BTAF1: variants seen among roughly 807,000 people sequenced by gnomAD.
BTAF1 encodes the protein B-TFIID TATA-box binding protein associated factor 1.
A neutral mutation model predicts 227.1 loss-of-function variants in BTAF1; 38 were observed. That is an observed-to-expected ratio of 0.17 (90% CI 0.13 to 0.22). The LOEUF (loss-of-function observed/expected upper bound fraction) is 0.22, where lower values mean the gene tolerates loss of function less well. BTAF1 is among the 10% of genes least tolerant of loss of function. BTAF1 has a pLI of 1.00. For synonymous variants in BTAF1, 742 were observed against 751.9 expected, an observed-to-expected ratio of 0.99 and a Z score of 0.21; for missense variants, 1,598 against 2,204.0, an observed-to-expected ratio of 0.73 and a Z score of 5.51.
chr10:91,973,562 C>T (rs929821164), intron 14 of BTAF1, among the ~76,000 whole-genome samples: 2 of 152,158 alleles, frequency 1.3e-5, no homozygotes, highest in African/African-American at 4.8e-5. Context: ...CATGAGGTGG[C>T]TACTGCCATT....
At chr10:91,999,414 C>T (rs1236459457) in intron 25 of BTAF1, among the ~76,000 whole-genome samples, 6 of 151,364 alleles carry the variant, frequency 4.0e-5, no homozygotes, top group African/African-American at 1.2e-4. Context: ...TTTTTTGAGA[C>T]GGACTTTTGC....
At chr10:91,975,397 T>A (rs983629785) in intron 14 of BTAF1, among the ~76,000 whole-genome samples, 1 of 152,202 alleles carries the variant, frequency 6.6e-6, no homozygotes, top group African/African-American at 2.4e-5. Context: ...CATATTTGGG[T>A]ATTGCCAGAT....
chr10:91,929,240 A>G (rs11186754), intron 1 of BTAF1, among the ~76,000 whole-genome samples: 2,590 of 152,312 alleles, frequency 0.017, 69 homozygotes, highest in African/African-American at 0.057. Context: ...ATCATTGTAT[A>G]TTGGCTAGTT....
At chr10:91,956,798 G>A (rs781732365) in intron 7 of BTAF1, 141 bp downstream of exon 7, 55 of 840,368 alleles carry the variant, frequency 6.5e-5, no homozygotes, top group Middle Eastern at 3.8e-4. Context: ...AGACCAGCCT[G>A]GCCAACATGG....
intron 18 of BTAF1, 48 bp downstream of exon 18, chr10:91,982,809 T>A: frequency 6.6e-7 from 1 of 1,506,582 alleles, no homozygotes; most frequent in Non-Finnish European, 9.0e-7. Flanking sequence ...GTAAACCAAT[T>A]TCCATTAGCT....
At chr10:91,925,400 A>G (rs909242138) in intron 1 of BTAF1, among the ~76,000 whole-genome samples, 3 of 152,124 alleles carry the variant, frequency 2.0e-5, no homozygotes, top group Non-Finnish European at 4.4e-5. Flanking sequence ...GTGTTTAAGG[A>G]GATGAGTACT....
intron 25 of BTAF1, among the ~76,000 whole-genome samples, chr10:91,998,236 A>C (rs1849272805): frequency 6.6e-6 from 1 of 152,120 alleles, no homozygotes; most frequent in Admixed American, 6.6e-5. Flanking sequence ...AATAATTAAG[A>C]TTTTTAGGCT....
chr10:91,985,152 G>A (rs1265313216), intron 19 of BTAF1, among the ~76,000 whole-genome samples: 1 of 151,896 alleles, frequency 6.6e-6, no homozygotes, highest in African/African-American at 2.4e-5. Flanking sequence ...GCCTCTCCCT[G>A]CCACCGAGTA....
rs765651068 is a variant in BTAF1 at position 92,014,032 on chromosome 10, T to C, written c.4584+3T>C. Reference sequence around the variant, plus strand: ...ATTGTACTCTTAGTCCTCTCCAGGTTAGGAATCTCGTGTTTATCATTGTTA... The same window carrying C: ...ATTGTACTCTTAGTCCTCTCCAGGTCAGGAATCTCGTGTTTATCATTGTTA... On this transcript the variant is annotated splice_donor_region_variant and intron_variant, in intron 32 of 37. Coordinates refer to ENST00000265990, the MANE Select transcript of BTAF1 (RefSeq NM_003972.3). The C allele has an allele frequency of 1.0e-4, 164 of 1,605,464 alleles. No individual in the cohort carries two copies. Among genetic ancestry groups the C allele is most frequent in the Middle Eastern group, 3.3e-4 (2 of 6,034 alleles).
Position 92,011,161 on chromosome 10 carries a change from ATT to A in BTAF1, c.4181+20_4181+21del. 6.8e-7 allele frequency: 1 copy of A among 1,472,982 alleles called. No homozygotes were observed. Among genetic ancestry groups the A allele is most frequent in the Admixed American group, 2.1e-5 (1 of 47,996 alleles). The allele number at this position is 1,472,982 out of a possible 1,614,324, so 91.2% of individuals were successfully genotyped here. On this transcript the variant is annotated intron_variant, in intron 29 of 37. Coordinates refer to ENST00000265990, the MANE Select transcript of BTAF1 (RefSeq NM_003972.3). ...CATAGATTTCTTTAGGTAAGAATTA[ATT>A]TTTTTTTTAGAAAAATTAATATCAA...
At chr10:91,961,422 A>G (rs1192536435) in intron 11 of BTAF1, among the ~76,000 whole-genome samples, 1 of 150,626 alleles carries the variant, frequency 6.6e-6, no homozygotes, top group Admixed American at 6.6e-5. Context: ...AGCAAGCTCA[A>G]AGGCCTTTTG....
intron 9 of BTAF1, 112 bp downstream of exon 9, chr10:91,959,266 G>A: frequency 5.2e-6 from 8 of 1,539,678 alleles, no homozygotes; most frequent in Non-Finnish European, 7.0e-6. Context: ...GTAAATAAGA[G>A]GAAGAGATAT....
At chr10:92,002,007 C>G (rs1277905840) in intron 25 of BTAF1, among the ~76,000 whole-genome samples, 1 of 81,194 alleles carries the variant, frequency 1.2e-5, no homozygotes, top group Non-Finnish European at 3.1e-5. Context: ...CACACACACA[C>G]ACACACACTC....
intron 30 of BTAF1, among the ~76,000 whole-genome samples, chr10:92,011,815 G>A (rs1366671057): frequency 6.6e-6 from 1 of 152,138 alleles, no homozygotes; most frequent in African/African-American, 2.4e-5. Context: ...GGAGGAAATT[G>A]AAGGCAAGCG....
chr10:91,994,436 T>C (rs910094934), intron 22 of BTAF1, 99 bp from the exon 23 acceptor site: 10 of 735,174 alleles, frequency 1.4e-5, no homozygotes, highest in South Asian at 6.2e-5. Flanking sequence ...GAAGCAAAAT[T>C]GACTCTCCTA....
intron 1 of BTAF1, among the ~76,000 whole-genome samples, chr10:91,933,719 A>T (rs1019835185): frequency 7.9e-5 from 12 of 152,210 alleles, no homozygotes; most frequent in Admixed American, 7.9e-4. Flanking sequence ...ACCTTGATTT[A>T]TATGGATTAA....
intron 4 of BTAF1, among the ~76,000 whole-genome samples, chr10:91,949,682 A>G (rs960268645): frequency 6.6e-6 from 1 of 152,188 alleles, no homozygotes. Context: ...TGCTCTGGGC[A>G]TGCATAGTTC....
At chr10:91,968,212 C>A (rs1847062893) in intron 14 of BTAF1, among the ~76,000 whole-genome samples, 1 of 152,142 alleles carries the variant, frequency 6.6e-6, no homozygotes, top group South Asian at 2.1e-4. Flanking sequence ...TCCTTCCTTC[C>A]CTGTCCCTCA....
chr10:91,952,277 C>G lies in BTAF1; in HGVS notation c.564+711C>G, dbSNP rs1439342290. Among the ~76,000 whole-genome samples the G allele has an allele frequency of 3.3e-5, 5 of 152,044 alleles. No homozygotes were observed. In the East Asian group the frequency reaches 9.6e-4, roughly 29 times the overall value. Reference sequence around the variant, plus strand: ...GATTGACCGCATTCTTTTTGGACAGCTTCATGCTGTTTTGTTTTGTGGCTG... The same window carrying G: ...GATTGACCGCATTCTTTTTGGACAGGTTCATGCTGTTTTGTTTTGTGGCTG... On this transcript the variant is annotated intron_variant, in intron 5 of 37. Coordinates refer to ENST00000265990, the MANE Select transcript of BTAF1 (RefSeq NM_003972.3).
Sources: allele counts gnomAD v4.1 joint callset (sites outside exome capture counted in the v4.1 genomes callset), GRCh38; gene constraint gnomAD v4.1.1; transcripts MANE v1.5; gene names NCBI Gene and HGNC (gene_info 2026-07-23, HGNC 2026-07-21).